Variants in WDHD1 observed in about 807,000 individuals in gnomAD.
WDHD1 encodes WD repeat and HMG-box DNA binding protein 1, also known as WD repeat and HMG-box DNA-binding protein 1.
WDHD1 carries 111 observed loss-of-function variants against 135.4 expected under a neutral mutation model. The observed-to-expected ratio is 0.82, with a 90% CI of 0.70 to 0.96. WDHD1 has a LOEUF of 0.96. WDHD1 is among the 40% of genes least tolerant of loss of function. The pLI is 0.00. For missense variants in WDHD1, 1,351 were observed against 1,336.3 expected (o/e 1.01, Z -0.17); for synonymous variants, 434 against 439.0 (o/e 0.99, Z 0.14).
Position 54,956,661 on chromosome 14 carries a change from G to C in WDHD1, c.2916+373C>G, listed in dbSNP as rs184779577. On this transcript the variant is annotated intron_variant, in intron 23 of 25. Coordinates refer to ENST00000360586, the MANE Select transcript of WDHD1 (RefSeq NM_007086.4). ...TGTCTCAAAAAAGACAGGGGGAGCA[G>C]GATAGTGATCTTGGAAGTCAGAATC... 2.6e-5 allele frequency among the ~76,000 whole-genome samples: 4 copies of C among 152,220 alleles called. No individual in the cohort carries two copies. In the East Asian group the frequency reaches 5.8e-4, roughly 22 times the overall value.
chr14:54,982,332 T>C lies in WDHD1; in HGVS notation c.1907-636A>G, dbSNP rs140876352. Among the ~76,000 whole-genome samples the C allele has an allele frequency of 6.4e-3, 976 of 152,288 alleles. 12 individuals are homozygous for C. Among genetic ancestry groups the C allele is most frequent in the African/African-American group, 0.022 (911 of 41,546 alleles). On this transcript the variant is annotated intron_variant, in intron 15 of 25. Transcript: ENST00000360586. The stretch of plus-strand genomic sequence containing the variant: ...CCGATAATAATTTTAAAGCCAATTT[T>C]AGTAAAAAATTAAACATGAATCAGA...
At chr14:55,004,492 A>G (rs1595113468) in intron 7 of WDHD1, among the ~76,000 whole-genome samples, 1 of 151,988 alleles carries the variant, frequency 6.6e-6, no homozygotes, top group East Asian at 1.9e-4. Context: ...TCGCTCTATC[A>G]CCTGAGCTAG....
rs755694523 is a variant in WDHD1 at position 54,963,187 on chromosome 14, G to T, written c.2311-15C>A. 46 of 692,730 alleles carry T rather than the reference G, an allele frequency of 6.6e-5. 1 individual carries two copies. The highest frequency in any genetic ancestry group is 5.8e-4 in the East Asian group (7 of 12,124). 42.9% of individuals were successfully genotyped at this position (692,730 alleles called of 1,614,324 possible). On this transcript the variant is annotated splice_polypyrimidine_tract_variant and intron_variant, in intron 18 of 25. Transcript: ENST00000360586. The stretch of plus-strand genomic sequence containing the variant: ...TTACAAGAAAGCTAATCCAAAAAGG[G>T]GGGGGGGGGGGAGATCAAATAACAT...
At chr14:55,012,822 A>G (rs1314036702) in intron 3 of WDHD1, among the ~76,000 whole-genome samples, 1 of 152,136 alleles carries the variant, frequency 6.6e-6, no homozygotes, top group East Asian at 1.9e-4. Context: ...ATGAGGCCAG[A>G]GCCCTCATGG....
chr14:55,019,218 A>C (rs983019840), intron 2 of WDHD1, among the ~76,000 whole-genome samples: 1 of 152,200 alleles, frequency 6.6e-6, no homozygotes, highest in African/African-American at 2.4e-5. Flanking sequence ...AAGCACATAA[A>C]TATGTACCAG....
At chr14:54,957,266 C>T (rs940282008) in intron 22 of WDHD1, 62 bp from the exon 23 acceptor site, 6 of 1,507,902 alleles carry the variant, frequency 4.0e-6, no homozygotes, top group Non-Finnish European at 5.3e-6. Context: ...TCCCAAGAGA[C>T]TTATTTTTTC....
At chr14:54,975,546 C>T (rs1184387071) in intron 16 of WDHD1, among the ~76,000 whole-genome samples, 1 of 152,114 alleles carries the variant, frequency 6.6e-6, no homozygotes, top group Non-Finnish European at 1.5e-5. Flanking sequence ...CAGGGTTTCA[C>T]CATGTTGGCC....
chr14:54,957,680 A>C lies in WDHD1; in HGVS notation c.2702-45T>G, dbSNP rs930281125. 2.0e-6 allele frequency: 3 copies of C among 1,503,876 alleles called. No individual in the cohort carries two copies. The African/African-American group carries it at 4.2e-5, about 21-fold the overall frequency. The allele number at this position is 1,503,876 out of a possible 1,614,324, so 93.2% of individuals were successfully genotyped here. On this transcript the variant is annotated intron_variant, in intron 21 of 25. Transcript: ENST00000360586. ...CTTGCTTAATAATGGTAGAAAATAG[A>C]TGACTTCTGACATCTATAATACTAG...
At chr14:54,973,787 C>T (rs1411914468) in intron 16 of WDHD1, among the ~76,000 whole-genome samples, 1 of 152,116 alleles carries the variant, frequency 6.6e-6, no homozygotes, top group African/African-American at 2.4e-5. Flanking sequence ...AAACATTTTA[C>T]AGCTCACTTT....
Position 54,969,557 on chromosome 14 carries a change from A to C in WDHD1, c.2064-2163T>G, listed in dbSNP as rs113066369. Among the ~76,000 whole-genome samples the C allele has an allele frequency of 6.3e-3, 957 of 152,256 alleles. 9 individuals are homozygous for C. Among genetic ancestry groups the C allele is most frequent in the African/African-American group, 0.022 (901 of 41,556 alleles). On this transcript the variant is annotated intron_variant, in intron 16 of 25. Coordinates refer to ENST00000360586, the MANE Select transcript of WDHD1 (RefSeq NM_007086.4). The stretch of plus-strand genomic sequence containing the variant: ...GAACAAACCAATAATGAGTTCCAAA[A>C]TTGAATCGTAATAAATAAAAAACCT...
At chr14:55,000,061 G>A (rs1237690268) in intron 10 of WDHD1, among the ~76,000 whole-genome samples, 1 of 152,148 alleles carries the variant, frequency 6.6e-6, no homozygotes, top group Non-Finnish European at 1.5e-5. Flanking sequence ...ACTAAGACTT[G>A]AATATAAATA....
chr14:54,967,073 T>C (rs1391390207), intron 17 of WDHD1, among the ~76,000 whole-genome samples: 1 of 152,230 alleles, frequency 6.6e-6, no homozygotes, highest in East Asian at 1.9e-4. Context: ...CACACCCATT[T>C]ACTTTGTAGA....
At chr14:54,950,256 G>C (rs1170208739) in intron 24 of WDHD1, among the ~76,000 whole-genome samples, 1 of 152,182 alleles carries the variant, frequency 6.6e-6, no homozygotes, top group Non-Finnish European at 1.5e-5. Context: ...CCCATGTCAT[G>C]TGCAGAGACA....
chr14:55,025,079 T>G (rs1424217849), intron 2 of WDHD1, among the ~76,000 whole-genome samples: 3,059 of 95,740 alleles, frequency 0.032, 185 homozygotes, highest in African/African-American at 0.098. Flanking sequence ...AAAACCCGAT[T>G]GTATGCTCCA....
chr14:55,000,813 T>C lies in WDHD1; in HGVS notation c.800+73A>G, dbSNP rs1174286519. ...TGACAATCTGATGGCAAATTTGAAA[T>C]GTTTCAAAATAAAACAAATACAAAA... On this transcript the variant is annotated intron_variant, in intron 9 of 25. Coordinates refer to ENST00000360586, the MANE Select transcript of WDHD1 (RefSeq NM_007086.4). The C allele has an allele frequency of 2.4e-5, 29 of 1,215,964 alleles. No individual in the cohort carries two copies. The South Asian group carries it at 4.3e-4, about 18-fold the overall frequency. The allele number at this position is 1,215,964 out of a possible 1,614,324, so 75.3% of individuals were successfully genotyped here. A position where few individuals can be genotyped will look rare whatever the true frequency, so the allele number is the denominator to read the frequency against.
Position 54,962,986 on chromosome 14 carries a change from C to T in WDHD1, c.2497G>A (p.Glu833Lys), listed in dbSNP as rs770092016. Residue 833 changes from glutamate to lysine, a missense_variant, in exon 19 of 26, where the codon GAA (glutamate) becomes AAA (lysine). Around this residue, in one of 2 missense-constraint regions of WDHD1, gnomAD observed 1,330 missense variants for 1,296.1 expected, o/e 1.03. Coordinates refer to ENST00000360586, the MANE Select transcript of WDHD1 (RefSeq NM_007086.4). ...LTATQVEEEE[E>K]EEDFRKKLNA... Reference sequence around the variant, plus strand: ...AGCTTTTTTCTGAAATCTTCTTCTTCTTCTTCCTCTTCCACCTGGGTTGCT... The same window carrying T: ...AGCTTTTTTCTGAAATCTTCTTCTTTTTCTTCCTCTTCCACCTGGGTTGCT... 3 of 1,613,782 alleles carry T rather than the reference C, an allele frequency of 1.9e-6. No homozygotes were observed. The highest frequency in any genetic ancestry group is 1.7e-5 in the Admixed American group (1 of 59,982).
At chr14:54,971,489 G>A (rs1315504629) in intron 16 of WDHD1, among the ~76,000 whole-genome samples, 1 of 152,026 alleles carries the variant, frequency 6.6e-6, no homozygotes, top group East Asian at 1.9e-4. Flanking sequence ...ATAGCCATAT[G>A]CACACACACA....
At position 54,995,855 on chromosome 14, in the gene WDHD1, T is replaced by C. The variant is rs773700665; in HGVS notation, c.943-42A>G. 3.5e-6 allele frequency: 5 copies of C among 1,444,862 alleles called. No individual in the cohort carries two copies. In the East Asian group the frequency reaches 1.2e-4, roughly 35 times the overall value. 89.5% of individuals were successfully genotyped at this position (1,444,862 alleles called of 1,614,324 possible). Reference sequence around the variant, plus strand: ...CAAATTATAAAGTAAAAGTGAATGATTTAGAAAAACTCAATTACTAAAAAG... The same window carrying C: ...CAAATTATAAAGTAAAAGTGAATGACTTAGAAAAACTCAATTACTAAAAAG... On this transcript the variant is annotated intron_variant, in intron 10 of 25. Transcript: ENST00000360586.
At chr14:54,949,148 C>T (rs558819014) in intron 24 of WDHD1, among the ~76,000 whole-genome samples, 21 of 152,256 alleles carry the variant, frequency 1.4e-4, no homozygotes, top group African/African-American at 2.9e-4. Flanking sequence ...CAAAGCTGGA[C>T]GGAGAATGAC....
Sources: gnomAD v4.1 joint callset for allele counts (sites outside exome capture counted in the v4.1 genomes callset) on GRCh38, gnomAD v4.1.1 for gene constraint, gnomAD v4.1.1 regional missense constraint, MANE v1.5 for transcripts, NCBI Gene and HGNC (gene_info 2026-07-23, HGNC 2026-07-21) for gene names.